NDNF: variants seen among roughly 807,000 people sequenced by gnomAD.
The protein encoded by NDNF is neuron derived neurotrophic factor, also known as protein NDNF.
Under a neutral mutation model 42.0 loss-of-function variants are expected in NDNF, and 16 were observed. The ratio of observed to expected loss-of-function variants is 0.38; its 90% CI spans 0.26 to 0.58. The LOEUF (loss-of-function observed/expected upper bound fraction) is 0.58. Ranked by LOEUF, NDNF falls within the 20% of genes least tolerant of loss-of-function variation. The pLI, the probability that NDNF is intolerant of heterozygous loss-of-function variation, is 0.67. For missense variants in NDNF, 616 were observed against 666.2 expected, an observed-to-expected ratio of 0.92 and a Z score of 0.83; for synonymous variants, 248 against 251.7, an observed-to-expected ratio of 0.99 and a Z score of 0.14.
At chr4:121,057,444 T>C (rs1395212387) in intron 1 of NDNF, among the ~76,000 whole-genome samples, 1 of 151,916 alleles carries the variant, frequency 6.6e-6, no homozygotes. Context: ...CATCACCCAC[T>C]AAGAGGGACA....
Position 121,037,322 on chromosome 4 carries a change from T to C in NDNF, c.649A>G (p.Lys217Glu). The change falls in exon 4 of 4, where the codon AAA becomes GAA. Residue 217 changes from lysine to glutamate, a missense_variant. Lys to Glu is a moderately conservative substitution (Grantham distance 56). Transcript: ENST00000379692. Reference sequence around the variant, plus strand: ...CAGAGACTTTTGAAATTGTGCTCTTTGTTGATGACCACACAGTACTGAATG... The same window carrying C: ...CAGAGACTTTTGAAATTGTGCTCTTCGTTGATGACCACACAGTACTGAATG... ...QPIQYCVVIN[K>E]EHNFKSLCAV... 6.2e-7 allele frequency: 1 copy of C among 1,614,154 alleles called. No individual in the cohort carries two copies. The highest frequency in any genetic ancestry group is 1.3e-5 in the African/African-American group (1 of 75,036).
At chr4:121,049,075 G>A (rs1727145091) in intron 1 of NDNF, among the ~76,000 whole-genome samples, 1 of 152,104 alleles carries the variant, frequency 6.6e-6, no homozygotes, top group South Asian at 2.1e-4. Context: ...TTTATTATAG[G>A]TGGCTTAAAA....
chr4:121,040,080 C>T (rs745682774), intron 2 of NDNF, 26 bp from the exon 3 acceptor site: 1 of 1,604,230 alleles, frequency 6.2e-7, no homozygotes, highest in Non-Finnish European at 8.5e-7. Context: ...CCACTTTAGA[C>T]CGTGGTAATT....
chr4:121,037,053 G>A lies in NDNF; in HGVS notation c.918C>T (p.Pro306=), dbSNP rs780164853. The change falls in exon 4 of 4, where the codon CCC becomes CCT. Residue 306 remains proline (P), a synonymous_variant. Transcript: ENST00000379692. Reference sequence around the variant, plus strand: ...ATACATCAAAGTAGTACTGCGTGTCGGGTTTCAGATCAGAGACGGTGAAGA... The same window carrying A: ...ATACATCAAAGTAGTACTGCGTGTCAGGTTTCAGATCAGAGACGGTGAAGA... ...KNIFTVSDLK[P]DTQYYFDVFV... 30 of 1,613,762 alleles carry A rather than the reference G, an allele frequency of 1.9e-5. No individual in the cohort carries two copies. The highest frequency in any genetic ancestry group is 1.3e-4 in the South Asian group (12 of 91,068).
intron 1 of NDNF, among the ~76,000 whole-genome samples, chr4:121,050,457 T>C (rs1019266085): frequency 6.6e-6 from 1 of 152,222 alleles, no homozygotes; most frequent in Non-Finnish European, 1.5e-5. Context: ...ACTTTCTTTT[T>C]TCATGGCCAT....
chr4:121,039,227 T>C (rs1382527576), intron 3 of NDNF, among the ~76,000 whole-genome samples: 2 of 118,412 alleles, frequency 1.7e-5, no homozygotes, highest in Non-Finnish European at 3.5e-5. Context: ...TATATATATA[T>C]ATATATATAA....
chr4:121,050,381 G>A (rs1290285073), intron 1 of NDNF, among the ~76,000 whole-genome samples: 1 of 152,076 alleles, frequency 6.6e-6, no homozygotes, highest in Non-Finnish European at 1.5e-5. Context: ...TTACTTCTAG[G>A]TAGGCAGAGC....
intron 2 of NDNF, among the ~76,000 whole-genome samples, chr4:121,042,672 C>A (rs1727018445): frequency 6.6e-6 from 1 of 152,082 alleles, no homozygotes; most frequent in Non-Finnish European, 1.5e-5. Context: ...ATAATTGAAC[C>A]TATCTATATT....
At chr4:121,053,090 T>C (rs575443885) in intron 1 of NDNF, among the ~76,000 whole-genome samples, 9 of 152,294 alleles carry the variant, frequency 5.9e-5, no homozygotes, top group Non-Finnish European at 1.2e-4. Context: ...ATGCAGGCTG[T>C]CAGTACACAG....
intron 2 of NDNF, among the ~76,000 whole-genome samples, chr4:121,042,263 C>G (rs1428654083): frequency 4.6e-5 from 7 of 152,108 alleles, no homozygotes; most frequent in Non-Finnish European, 7.4e-5. Flanking sequence ...GTAAATAAAA[C>G]CTAAGAATCC....
chr4:121,060,368 A>C (rs1466714075), intron 1 of NDNF, among the ~76,000 whole-genome samples: 2 of 151,934 alleles, frequency 1.3e-5, no homozygotes, highest in African/African-American at 4.8e-5. Context: ...TTTGGTAGAG[A>C]TGAGGTTTCC....
chr4:121,037,213 G>A lies in NDNF; in HGVS notation c.758C>T (p.Ala253Val). 1 of 1,614,014 alleles carries A rather than the reference G, an allele frequency of 6.2e-7. No individual in the cohort carries two copies. The highest frequency in any genetic ancestry group is 8.5e-7 in the Non-Finnish European group (1 of 1,180,006). ...ATTATCAGAAGGAAATCCAAAGTGG[G>A]CAAAGTCAAAGGGGCTGAAGTCCAG... ...PGLDFSPFDF[A>V]HFGFPSDNSG... Residue 253 changes from alanine (A) to valine (V), a missense_variant, in exon 4 of 4, where the codon GCC becomes GTC. Physicochemically the swap from Ala to Val is moderately conservative, Grantham distance 64. Transcript: ENST00000379692.
intron 1 of NDNF, among the ~76,000 whole-genome samples, chr4:121,052,491 T>C (rs1371944256): frequency 2.0e-5 from 3 of 152,254 alleles, no homozygotes; most frequent in South Asian, 2.1e-4. Flanking sequence ...TTTCTTTTCC[T>C]TTCTAAATGC....
chr4:121,036,552 C>T lies in NDNF; in HGVS notation c.1419G>A (p.Gln473=), dbSNP rs766454071. ...SSATVAWLGT[Q]ERNKFCIYKK... is the part of the protein sequence containing the mutation. ...TGTAGATGCAAAACTTGTTCCTTTCCTGAGTGCCTAGCCAAGCCACGGTGG... is the reference window on the plus strand; with the variant it reads ...TGTAGATGCAAAACTTGTTCCTTTCTTGAGTGCCTAGCCAAGCCACGGTGG... The change falls in exon 4 of 4, where the codon CAG becomes CAA. Residue 473 remains glutamine, a synonymous_variant. Transcript: ENST00000379692. 1.7e-5 allele frequency: 27 copies of T among 1,614,040 alleles called. No individual in the cohort carries two copies. Among genetic ancestry groups the T allele is most frequent in the Non-Finnish European group, 2.3e-5 (27 of 1,179,996 alleles).
At chr4:121,045,949 G>A (rs1050984890) in intron 1 of NDNF, 111 bp from the exon 2 acceptor site, 47 of 986,176 alleles carry the variant, frequency 4.8e-5, no homozygotes, top group Non-Finnish European at 6.2e-5. Flanking sequence ...ATTTAGGGAC[G>A]CATCATGTAT....
At chr4:121,045,511 C>T (rs1727074873) in intron 2 of NDNF, 139 bp downstream of exon 2, 2 of 656,000 alleles carry the variant, frequency 3.0e-6, no homozygotes, top group Middle Eastern at 4.1e-4. Context: ...CTGCCATGTT[C>T]CCCCTTACTT....
chr4:121,064,289 C>T (rs1188566875), intron 1 of NDNF, among the ~76,000 whole-genome samples: 1 of 152,082 alleles, frequency 6.6e-6, no homozygotes, highest in East Asian at 1.9e-4. Context: ...TGTGGAAGTA[C>T]CTTGTAAACA....
At chr4:121,039,176 CTATGTG>C (rs1371109522) in intron 3 of NDNF, among the ~76,000 whole-genome samples, 570 of 13,180 alleles carry the variant, frequency 0.043, 21 homozygotes, top group African/African-American at 0.059. Flanking sequence ...TATATAAAGA[CTATGTG>C]TGTGTGTGTG....
intron 1 of NDNF, among the ~76,000 whole-genome samples, chr4:121,059,659 C>G (rs1727369497): frequency 6.6e-6 from 1 of 152,206 alleles, no homozygotes; most frequent in South Asian, 2.1e-4. Context: ...CCTCTTTCCT[C>G]TGAAATCATG....
Sources: allele counts gnomAD v4.1 joint callset (sites outside exome capture counted in the v4.1 genomes callset), GRCh38; gene constraint gnomAD v4.1.1; transcripts MANE v1.5; gene names NCBI Gene and HGNC (gene_info 2026-07-23, HGNC 2026-07-21).